ANKRD42: variants seen among roughly 807,000 people sequenced by gnomAD.
The protein encoded by ANKRD42 is ankyrin repeat domain 42, also known as ankyrin repeat domain-containing protein 42.
ANKRD42 carries 43 observed loss-of-function variants against 51.5 expected under a neutral mutation model. The ratio of observed to expected loss-of-function variants is 0.83; its 90% CI spans 0.65 to 1.08. The LOEUF is 1.08. ANKRD42 is among the 50% of genes least tolerant of loss of function. The pLI, the probability that ANKRD42 is intolerant of heterozygous loss-of-function variation, is 0.00. For missense variants in ANKRD42, 608 were observed against 629.3 expected (o/e 0.97, Z 0.36); for synonymous variants, 203 against 213.0 (o/e 0.95, Z 0.41).
intron 9 of ANKRD42, among the ~76,000 whole-genome samples, chr11:83,241,339 G>C (rs1184393771): frequency 6.6e-6 from 1 of 152,120 alleles, no homozygotes; most frequent in Non-Finnish European, 1.5e-5. Context: ...ACAATACAAA[G>C]GAACTTCATT....
Position 83,209,446 on chromosome 11 carries a change from GT to G in ANKRD42, c.331-851del. On this transcript the variant is annotated intron_variant, in intron 3 of 10. Coordinates refer to ENST00000533342, the MANE Select transcript of ANKRD42 (RefSeq NM_001300975.2). ...ATTCAGACAAATACGACGACGAGGA[GT>G]TTGAGTATCGACATGTCGTGCTGCC... 3.2e-6 allele frequency: 5 copies of G among 1,568,070 alleles called. No homozygotes were observed. The East Asian group carries it at 6.7e-5, about 21-fold the overall frequency.
intron 3 of ANKRD42, chr11:83,209,570 A>G: frequency 4.2e-6 from 4 of 948,642 alleles, no homozygotes; most frequent in South Asian, 1.3e-5. Flanking sequence ...GGTCTATTAT[A>G]TGATCCATGA....
At chr11:83,243,374 T>C (rs7951902) in intron 9 of ANKRD42, among the ~76,000 whole-genome samples, 8,342 of 152,284 alleles carry the variant, frequency 0.055, 760 homozygotes, top group African/African-American at 0.19. Flanking sequence ...ATTTTTATTG[T>C]TTTCATTGGA....
downstream of ANKRD42, among the ~76,000 whole-genome samples, chr11:83,263,006 G>A (rs1324270354): frequency 6.6e-6 from 1 of 152,254 alleles, no homozygotes; most frequent in Non-Finnish European, 1.5e-5. Context: ...CCATTGTACA[G>A]ATGAGGTAAT....
chr11:83,195,671 T>C (rs1183084638), intron 1 of ANKRD42, among the ~76,000 whole-genome samples: 1 of 152,202 alleles, frequency 6.6e-6, no homozygotes, highest in African/African-American at 2.4e-5. Context: ...AGTTATCTTA[T>C]TACTTTTCCC....
In ANKRD42 at chr11:83,245,544, T is replaced by C; in HGVS notation, c.1242T>C (p.Ile414=). The C allele has an allele frequency of 3.3e-6, 5 of 1,536,566 alleles. No individual in the cohort carries two copies. Among genetic ancestry groups the C allele is most frequent in the Non-Finnish European group, 4.4e-6 (5 of 1,147,008 alleles). Residue 414 remains isoleucine, a synonymous_variant, in exon 10 of 11, where the codon ATT becomes ATC. Coordinates refer to ENST00000533342, the MANE Select transcript of ANKRD42 (RefSeq NM_001300975.2). ...KIVELRHLLE[I]AESNYKHLGG... ...TAGAATTGAGACACCTCCTGGAAAT[T>C]GCCGAGAGCAACTATAAACACTTGG...
rs1045576143 is a variant in ANKRD42, at chr11:83,194,437, G to T, written c.-234G>T. The T allele has an allele frequency of 1.0e-5, 7 of 692,052 alleles. No individual in the cohort carries two copies. The highest frequency in any genetic ancestry group is 4.0e-5 in the Admixed American group (2 of 49,586). The allele number at this position is 692,052 out of a possible 1,614,324, so 42.9% of individuals were successfully genotyped here. On this transcript the variant is annotated 5_prime_UTR_variant, in exon 1 of 11. Coordinates refer to ENST00000533342, the MANE Select transcript of ANKRD42 (RefSeq NM_001300975.2). ...AGCCAGCGACTCCTCTGGTGTGAGCGGCAGTGAAGACGCCAGCTACCGCTT... is the reference window on the plus strand; with the variant it reads ...AGCCAGCGACTCCTCTGGTGTGAGCTGCAGTGAAGACGCCAGCTACCGCTT...
At chr11:83,229,906 G>A (rs550262931) in intron 7 of ANKRD42, among the ~76,000 whole-genome samples, 8 of 152,228 alleles carry the variant, frequency 5.3e-5, no homozygotes, top group African/African-American at 1.9e-4. Flanking sequence ...TATGTGAGAT[G>A]TTTTGATACA....
In ANKRD42 at chr11:83,228,231, C is replaced by CTTTTTT. The variant is rs11403803; in HGVS notation, c.913+392_913+397dup. ...AAATAGAAATCATCCCTCTCTCTCT[C>CTTTTTT]TTTTTTTTTTTTTTTTTTTTTTTTT... On this transcript the variant is annotated intron_variant, in intron 7 of 10. Transcript: ENST00000533342. Among the ~76,000 whole-genome samples the CTTTTTT allele has an allele frequency of 7.6e-4, 45 of 59,026 alleles. 10 individuals are homozygous for CTTTTTT. The highest frequency in any genetic ancestry group is 1.4e-3 in the East Asian group (2 of 1,382). The allele number at this position is 59,026 out of a possible 152,430, so 38.7% of individuals were successfully genotyped here.
chr11:83,236,528 T>C lies in ANKRD42; in HGVS notation c.1019+19T>C, dbSNP rs937218123. ...CAAAGAGGTATAAATCTCTGTCTTC[T>C]TTACTCCTTTCTTTTCTCTTTAAAG... On this transcript the variant is annotated intron_variant, in intron 8 of 10. Transcript: ENST00000533342. 3 of 1,564,298 alleles carry C rather than the reference T, an allele frequency of 1.9e-6. No homozygotes were observed. The highest frequency in any genetic ancestry group is 1.7e-4 in the Middle Eastern group (1 of 5,926).
chr11:83,208,381 G>T (rs1271743244), intron 3 of ANKRD42, among the ~76,000 whole-genome samples: 1 of 152,172 alleles, frequency 6.6e-6, no homozygotes, highest in South Asian at 2.1e-4. Context: ...GTGTGTGTGT[G>T]TGTGAATATG....
intron 5 of ANKRD42, among the ~76,000 whole-genome samples, chr11:83,215,751 C>T (rs1862506971): frequency 6.6e-6 from 1 of 152,098 alleles, no homozygotes. Context: ...AACTGTTTCT[C>T]CCACATTTGG....
At chr11:83,219,572 A>G (rs1174860470) in intron 5 of ANKRD42, among the ~76,000 whole-genome samples, 1 of 152,238 alleles carries the variant, frequency 6.6e-6, no homozygotes, top group Non-Finnish European at 1.5e-5. Context: ...TTGCCATCAA[A>G]GGAGTAAGCC....
chr11:83,242,198 A>AAAAATC (rs1246804724), intron 9 of ANKRD42, among the ~76,000 whole-genome samples: 4 of 152,224 alleles, frequency 2.6e-5, no homozygotes, highest in African/African-American at 9.6e-5. Flanking sequence ...GGTTCTTGAA[A>AAAAATC]AAAATCAGCA....
At chr11:83,236,345 G>A (rs1863220613) in intron 7 of ANKRD42, 59 bp from the exon 8 acceptor site, 2 of 1,438,064 alleles carry the variant, frequency 1.4e-6, no homozygotes, top group East Asian at 4.8e-5. Context: ...TTAGAAAATT[G>A]TTACTAATAA....
At chr11:83,208,673 A>G (rs1420225593) in intron 3 of ANKRD42, among the ~76,000 whole-genome samples, 1 of 152,212 alleles carries the variant, frequency 6.6e-6, no homozygotes, top group African/African-American at 2.4e-5. Context: ...TTGAGTCAGA[A>G]TAACAGATAA....
At chr11:83,208,864 T>C (rs1862190379) in intron 3 of ANKRD42, among the ~76,000 whole-genome samples, 1 of 152,108 alleles carries the variant, frequency 6.6e-6, no homozygotes, top group Admixed American at 6.6e-5. Flanking sequence ...TAGAAGAGTC[T>C]CTAACTCCTG....
intron 1 of ANKRD42, among the ~76,000 whole-genome samples, chr11:83,196,238 C>G (rs1005873271): frequency 6.6e-6 from 1 of 152,214 alleles, no homozygotes; most frequent in Admixed American, 6.5e-5. Flanking sequence ...AGCTCTCAAT[C>G]ATTATAATTC....
At chr11:83,207,758 A>G (rs1440769310) in intron 3 of ANKRD42, among the ~76,000 whole-genome samples, 4 of 152,226 alleles carry the variant, frequency 2.6e-5, no homozygotes. Flanking sequence ...TTGAACCTAG[A>G]CTTGTCCTAT....
Sources: allele counts gnomAD v4.1 joint callset (sites outside exome capture counted in the v4.1 genomes callset), GRCh38; gene constraint gnomAD v4.1.1; transcripts MANE v1.5; gene names NCBI Gene and HGNC (gene_info 2026-07-23, HGNC 2026-07-21).